The following PTPRD variants were observed in gnomAD, a reference collection of about 807,000 sequenced individuals.
The protein encoded by PTPRD is receptor-type tyrosine-protein phosphatase delta.
A neutral mutation model predicts 214.5 loss-of-function variants in PTPRD; 34 were observed. That is an observed-to-expected ratio of 0.16 (90% confidence interval 0.12 to 0.21). PTPRD has a LOEUF of 0.21. Ranked by LOEUF, PTPRD falls within the 10% of genes least tolerant of loss-of-function variation. PTPRD has a pLI of 1.00. For missense variants in PTPRD, 2,545 were observed against 2,398.7 expected (o/e 1.06, Z -1.27); for synonymous variants, 1,128 against 845.7 (o/e 1.33, Z -5.79).
chr9:8,894,626 T>C (rs2098590870), intron 11 of PTPRD, among the ~76,000 whole-genome samples: 1 of 152,156 alleles, frequency 6.6e-6, no homozygotes, highest in South Asian at 2.1e-4. Flanking sequence ...TTTCAACTTA[T>C]GAAAAGTCAT....
chr9:10,339,017 G>T lies in PTPRD; in HGVS notation c.-545+1946C>A, dbSNP rs115286297. On this transcript the variant is annotated intron_variant, in intron 3 of 45. Transcript: ENST00000381196. ...GAGCAAGAACAAAGTAAATTGTTCAGAGTTCAGCTGTCATTACTTGCAAGA... is the reference window on the plus strand; with the variant it reads ...GAGCAAGAACAAAGTAAATTGTTCATAGTTCAGCTGTCATTACTTGCAAGA... Among the ~76,000 whole-genome samples, 676 of 151,778 alleles carry T rather than the reference G, an allele frequency of 4.5e-3. 4 individuals carry two copies. Among genetic ancestry groups the T allele is most frequent in the African/African-American group, 0.016 (663 of 41,476 alleles).
intron 5 of PTPRD, among the ~76,000 whole-genome samples, chr9:9,809,948 C>G (rs1211651455): frequency 6.6e-6 from 1 of 152,026 alleles, no homozygotes; most frequent in Non-Finnish European, 1.5e-5. Flanking sequence ...TTGAAGTACA[C>G]TTGGCCCACA....
At chr9:8,825,490 A>G (rs1163421655) in intron 11 of PTPRD, among the ~76,000 whole-genome samples, 1 of 152,198 alleles carries the variant, frequency 6.6e-6, no homozygotes, top group Non-Finnish European at 1.5e-5. Flanking sequence ...TTTTTATAGG[A>G]GTACACTTAA....
intron 7 of PTPRD, among the ~76,000 whole-genome samples, chr9:9,627,432 A>T (rs533361258): frequency 6.6e-6 from 1 of 152,306 alleles, no homozygotes; most frequent in African/African-American, 2.4e-5. Context: ...CTCTGATGAG[A>T]GAGCTAGAGA....
At chr9:9,292,042 G>A (rs972788960) in intron 9 of PTPRD, among the ~76,000 whole-genome samples, 1 of 151,218 alleles carries the variant, frequency 6.6e-6, no homozygotes, top group Non-Finnish European at 1.5e-5. Flanking sequence ...AGTAATACTG[G>A]TATTTTATCT....
At chr9:10,291,098 G>C (rs1440917533) in intron 3 of PTPRD, among the ~76,000 whole-genome samples, 1 of 150,506 alleles carries the variant, frequency 6.6e-6, no homozygotes, top group African/African-American at 2.4e-5. Context: ...TTCCTCTTGA[G>C]ATATGAAGAA....
At chr9:9,316,664 G>C (rs1483984776) in intron 9 of PTPRD, among the ~76,000 whole-genome samples, 1 of 152,066 alleles carries the variant, frequency 6.6e-6, no homozygotes, top group Non-Finnish European at 1.5e-5. Context: ...AAGAATTGTA[G>C]CATGAAATTA....
At chr9:9,550,656 C>T (rs555432946) in intron 8 of PTPRD, among the ~76,000 whole-genome samples, 137 of 151,128 alleles carry the variant, frequency 9.1e-4, no homozygotes, top group South Asian at 5.4e-3. Context: ...TGTAAAACCC[C>T]GCATGAAAAG....
At chr9:10,199,913 A>C (rs923278551) in intron 3 of PTPRD, among the ~76,000 whole-genome samples, 1 of 147,018 alleles carries the variant, frequency 6.8e-6, no homozygotes, top group Non-Finnish European at 1.5e-5. Context: ...GCACACACGC[A>C]CACACACACA....
intron 4 of PTPRD, among the ~76,000 whole-genome samples, chr9:9,944,571 C>G (rs961721811): frequency 1.3e-5 from 2 of 151,666 alleles, no homozygotes; most frequent in East Asian, 3.9e-4. Flanking sequence ...TGAGTGAAGA[C>G]CTGAAGGAAA....
At chr9:9,423,898 G>A (rs2142758700) in intron 8 of PTPRD, among the ~76,000 whole-genome samples, 1 of 152,194 alleles carries the variant, frequency 6.6e-6, no homozygotes, top group South Asian at 2.1e-4. Context: ...ACAATGAAAA[G>A]GTCTAACATA....
At chr9:9,412,299 A>G (rs985566716) in intron 8 of PTPRD, among the ~76,000 whole-genome samples, 2 of 152,166 alleles carry the variant, frequency 1.3e-5, no homozygotes, top group African/African-American at 4.8e-5. Context: ...TGACAAGTGT[A>G]ATATGATACC....
chr9:9,681,744 G>A (rs552877925), intron 7 of PTPRD, among the ~76,000 whole-genome samples: 1 of 151,754 alleles, frequency 6.6e-6, no homozygotes, highest in Non-Finnish European at 1.5e-5. Flanking sequence ...TGAATGTTGA[G>A]ACTAGCAGTT....
intron 2 of PTPRD, among the ~76,000 whole-genome samples, chr9:10,378,276 T>G (rs2097765705): frequency 6.6e-6 from 1 of 152,050 alleles, no homozygotes; most frequent in South Asian, 2.1e-4. Context: ...TCTCTTTACT[T>G]TGTTAATGGT....
chr9:8,688,483 T>C (rs1027586151), intron 12 of PTPRD, among the ~76,000 whole-genome samples: 1 of 149,872 alleles, frequency 6.7e-6, no homozygotes, highest in Admixed American at 6.7e-5. Flanking sequence ...GAGAATGGCA[T>C]GAACCCAGGA....
intron 2 of PTPRD, among the ~76,000 whole-genome samples, chr9:10,607,100 G>A (rs2079599661): frequency 6.6e-6 from 1 of 151,804 alleles, no homozygotes; most frequent in Admixed American, 6.6e-5. Flanking sequence ...CATGTGAAAT[G>A]TATATAATCG....
At chr9:9,374,719 A>G (rs1364220910) in intron 9 of PTPRD, among the ~76,000 whole-genome samples, 1 of 152,228 alleles carries the variant, frequency 6.6e-6, no homozygotes, top group African/African-American at 2.4e-5. Context: ...AAGCTCTTGT[A>G]AAACAATGCA....
chr9:10,303,032 G>A (rs888057490), intron 3 of PTPRD, among the ~76,000 whole-genome samples: 4 of 152,274 alleles, frequency 2.6e-5, no homozygotes, highest in East Asian at 1.9e-4. Flanking sequence ...CTCAGGGAAT[G>A]CAAAACAATA....
At chr9:10,606,221 C>A (rs115994362) in intron 2 of PTPRD, among the ~76,000 whole-genome samples, 1,742 of 151,884 alleles carry the variant, frequency 0.011, 27 homozygotes, top group African/African-American at 0.039. Flanking sequence ...GACCACCTAA[C>A]CCCAAGGTGA....
Sources: allele counts gnomAD v4.1 joint callset (sites outside exome capture counted in the v4.1 genomes callset), GRCh38; gene constraint gnomAD v4.1.1; transcripts MANE v1.5; gene names NCBI Gene and HGNC (gene_info 2026-07-23, HGNC 2026-07-21).